The following CARS2 variants were observed in gnomAD, a reference collection of about 807,000 sequenced individuals.
The protein encoded by CARS2 is cysteinyl-tRNA synthetase 2, mitochondrial, also known as probable cysteine--tRNA ligase, mitochondrial.
A neutral mutation model predicts 68.8 loss-of-function variants in CARS2; 52 were observed. That is an observed-to-expected ratio of 0.76 (90% CI 0.61 to 0.95). CARS2 has a LOEUF of 0.95. CARS2 is among the 40% of genes least tolerant of loss of function. The pLI, the probability that CARS2 is intolerant of heterozygous loss-of-function variation, is 0.00. For missense variants in CARS2, 780 were observed against 754.2 expected (o/e 1.03, Z -0.40); for synonymous variants, 314 against 303.6 (o/e 1.03, Z -0.36).
intron 5 of CARS2, among the ~76,000 whole-genome samples, chr13:110,684,790 T>G (rs1251073172): frequency 6.6e-6 from 1 of 152,018 alleles, no homozygotes; most frequent in African/African-American, 2.4e-5. Context: ...CTCCCTTAAA[T>G]GGTGGAAACA....
In CARS2 at chr13:110,650,997, C is replaced by CT. The variant is rs1398674332; in HGVS notation, c.1054+36dup. 9 of 1,509,232 alleles carry CT rather than the reference C, an allele frequency of 6.0e-6. No homozygotes were observed. The African/African-American group carries it at 1.1e-4, about 19-fold the overall frequency. The allele number at this position is 1,509,232 out of a possible 1,614,324, so 93.5% of individuals were successfully genotyped here. On this transcript the variant is annotated intron_variant, in intron 10 of 14. Transcript: ENST00000257347. The stretch of plus-strand genomic sequence containing the variant: ...TCCTGTCAGAATGACTGTCTCCGAG[C>CT]TGGGGGGGGAGTCCACTCCACGTGT...
At chr13:110,692,003 AATAT>A (rs71127965) in intron 3 of CARS2, among the ~76,000 whole-genome samples, 2 of 91,588 alleles carry the variant, frequency 2.2e-5, no homozygotes, top group African/African-American at 8.2e-5. Context: ...AAAAAAAAAA[AATAT>A]ATATATATAT....
chr13:110,692,071 CACAT>C lies in CARS2; in HGVS notation c.394-4057_394-4054del, dbSNP rs973407165. On this transcript the variant is annotated intron_variant, in intron 3 of 14. Coordinates refer to ENST00000257347, the MANE Select transcript of CARS2 (RefSeq NM_024537.4). Reference sequence around the variant, plus strand: ...ATACACATATACATATATATATACACACATACATATATATACACACACATATATA... The same window carrying C: ...ATACACATATACATATATATATACACACATATATATACACACACATATATA... Among the ~76,000 whole-genome samples the C allele has an allele frequency of 2.1e-4, 30 of 144,098 alleles. No individual in the cohort carries two copies. The South Asian group carries it at 4.5e-3, about 22-fold the overall frequency. 94.5% of individuals were successfully genotyped at this position (144,098 alleles called of 152,430 possible). A position where few individuals can be genotyped will look rare whatever the true frequency, so the allele number is the denominator to read the frequency against.
In CARS2 at chr13:110,666,334, G is replaced by A. The variant is rs150351023; in HGVS notation, c.919+1006C>T. 620 of 985,344 alleles carry A rather than the reference G, an allele frequency of 6.3e-4. 5 individuals are homozygous for A. In the African/African-American group the frequency reaches 0.01, roughly 16 times the overall value. The allele number at this position is 985,344 out of a possible 1,614,324, so 61.0% of individuals were successfully genotyped here. On this transcript the variant is annotated intron_variant, in intron 8 of 14. Transcript: ENST00000257347. Reference sequence around the variant, plus strand: ...TCAGCTAGTGCTGAGCCCTCCCCAGGGAAATGGTATGGGGTGCTGGACAAC... The same window carrying A: ...TCAGCTAGTGCTGAGCCCTCCCCAGAGAAATGGTATGGGGTGCTGGACAAC...
chr13:110,694,142 C>T (rs2063555143), intron 3 of CARS2, among the ~76,000 whole-genome samples: 1 of 151,886 alleles, frequency 6.6e-6, no homozygotes, highest in Admixed American at 6.6e-5. Context: ...ATTTTCTTGC[C>T]TCAGCTCCTG....
chr13:110,686,564 AT>A (rs1269711967), intron 5 of CARS2, among the ~76,000 whole-genome samples: 1 of 149,434 alleles, frequency 6.7e-6, no homozygotes, highest in Non-Finnish European at 1.5e-5. Context: ...TCACTTTTTT[AT>A]TTTTATTTTT....
chr13:110,675,489 A>G (rs1422679456), intron 7 of CARS2, among the ~76,000 whole-genome samples: 2 of 152,140 alleles, frequency 1.3e-5, no homozygotes, highest in Non-Finnish European at 2.9e-5. Flanking sequence ...GTTCTCACTC[A>G]TAGGTAGGAA....
intron 3 of CARS2, chr13:110,697,996 C>G (rs1162258109): frequency 2.2e-6 from 1 of 455,454 alleles, no homozygotes; most frequent in Non-Finnish European, 4.4e-6. Context: ...GCTCTGTTCA[C>G]TCAACAAATG....
At chr13:110,663,300 G>A in intron 9 of CARS2, 151 bp downstream of exon 9, 1 of 734,366 alleles carries the variant, frequency 1.4e-6, no homozygotes. Context: ...GCCACTTAAA[G>A]TGGGAGGGAG....
intron 3 of CARS2, among the ~76,000 whole-genome samples, chr13:110,688,363 C>T (rs572820872): frequency 1.4e-4 from 21 of 152,164 alleles, no homozygotes; most frequent in Non-Finnish European, 2.8e-4. Flanking sequence ...ATGAGTGGAT[C>T]GTTTGAGACC....
intron 9 of CARS2, among the ~76,000 whole-genome samples, chr13:110,662,489 T>C (rs957107438): frequency 1.3e-5 from 2 of 152,286 alleles, no homozygotes; most frequent in African/African-American, 4.8e-5. Flanking sequence ...ACGTGTGCCG[T>C]GCACGCTCTA....
At position 110,674,197 on chromosome 13, in the gene CARS2, T is replaced by A. The variant is rs1168623018; in HGVS notation, c.785+2777A>T. On this transcript the variant is annotated intron_variant, in intron 7 of 14. Coordinates refer to ENST00000257347, the MANE Select transcript of CARS2 (RefSeq NM_024537.4). ...GCTACCAATGACTTTTCTCACAGAA[T>A]TGGAAAAAACTACTTTAAAGTTCAT... Among the ~76,000 whole-genome samples, 2 of 152,114 alleles carry A rather than the reference T, an allele frequency of 1.3e-5. 1 individual carries two copies. Among genetic ancestry groups the A allele is most frequent in the Admixed American group, 1.3e-4 (2 of 15,264 alleles).
intron 5 of CARS2, among the ~76,000 whole-genome samples, chr13:110,687,394 G>A (rs1437639021): frequency 6.6e-6 from 1 of 152,170 alleles, no homozygotes; most frequent in Non-Finnish European, 1.5e-5. Context: ...AACCGGCTGG[G>A]CACAGTGGCT....
At position 110,676,090 on chromosome 13, in the gene CARS2, G is replaced by A. The variant is rs2062941017; in HGVS notation, c.785+884C>T. On this transcript the variant is annotated intron_variant, in intron 7 of 14. Transcript: ENST00000257347. The surrounding 1 kb of genome is among the most constrained non-coding windows in gnomAD (Gnocchi z 4.0). ...AATCGCTTGAACCTGGGAGGCGGAG[G>A]TTGCGGTGAGCCGAGATCGCACCAT... 6.6e-6 allele frequency among the ~76,000 whole-genome samples: 1 copy of A among 152,232 alleles called. No homozygotes were observed. The highest frequency in any genetic ancestry group is 2.4e-5 in the African/African-American group (1 of 41,446).
chr13:110,684,703 TC>T, intron 5 of CARS2, among the ~76,000 whole-genome samples: 1 of 151,548 alleles, frequency 6.6e-6, no homozygotes. Flanking sequence ...GAGGGGGACA[TC>T]CAGGCCCTGG....
Position 110,677,308 on chromosome 13 carries a change from A to C in CARS2, c.656-205T>G, listed in dbSNP as rs80279244. Among the ~76,000 whole-genome samples the C allele has an allele frequency of 0.015, 750 of 49,028 alleles. 5 individuals are homozygous for C. Among genetic ancestry groups the C allele is most frequent in the African/African-American group, 0.051 (719 of 14,150 alleles). The allele number at this position is 49,028 out of a possible 152,430, so 32.2% of individuals were successfully genotyped here. On this transcript the variant is annotated intron_variant, in intron 6 of 14. Transcript: ENST00000257347. ...CACGGAAACACAGAAAATCACCCCAACATGGAAACTCAGACAGTCACCCCC... is the reference window on the plus strand; with the variant it reads ...CACGGAAACACAGAAAATCACCCCACCATGGAAACTCAGACAGTCACCCCC...
chr13:110,691,346 T>G (rs927077426), intron 3 of CARS2, among the ~76,000 whole-genome samples: 1 of 152,192 alleles, frequency 6.6e-6, no homozygotes, highest in Non-Finnish European at 1.5e-5. Flanking sequence ...GAAATTAACC[T>G]TTTATCGCTG....
rs11843815 is a variant in CARS2, at chr13:110,682,761, G to A, written c.655+290C>T. 0.084 allele frequency among the ~76,000 whole-genome samples: 12,817 copies of A among 152,152 alleles called. 653 individuals are homozygous for A. Among genetic ancestry groups the A allele is most frequent in the East Asian group, 0.17 (880 of 5,164 alleles). ...GTACGTGTATGAGGTTTTCATGTGC[G>A]CTGAAAACCCTGGGGAGGAAAAAGG... On this transcript the variant is annotated intron_variant, in intron 6 of 14. Coordinates refer to ENST00000257347, the MANE Select transcript of CARS2 (RefSeq NM_024537.4).
exon 1 of CARS2, chr13:110,713,251 C>A: frequency 7.5e-7 from 1 of 1,337,842 alleles, no homozygotes; most frequent in Non-Finnish European, 9.6e-7. Context: ...CTCTGTGGGG[C>A]GGGGACGAAG....
Sources: allele counts gnomAD v4.1 joint callset (sites outside exome capture counted in the v4.1 genomes callset), GRCh38; gene constraint gnomAD v4.1.1; non-coding constraint Gnocchi (gnomAD v3.1); transcripts MANE v1.5; gene names NCBI Gene and HGNC (gene_info 2026-07-23, HGNC 2026-07-21).